Variants in IL34 observed in about 807,000 individuals in gnomAD.
The protein encoded by IL34 is interleukin 34.
A neutral mutation model predicts 25.3 loss-of-function variants in IL34; 17 were observed. That is an observed-to-expected ratio of 0.67 (90% CI 0.46 to 1.01). The LOEUF (loss-of-function observed/expected upper bound fraction) is 1.01. Among genes scored for constraint, IL34 ranks in the 50% least tolerant of loss-of-function variants. The probability of loss-of-function intolerance (pLI) is 0.00; values close to 1 mark genes in which losing one functional copy is unlikely to be tolerated. For missense variants in IL34, 368 were observed against 312.9 expected (o/e 1.18, Z -1.33); for synonymous variants, 174 against 140.9 (o/e 1.23, Z -1.66).
At chr16:70,611,114 G>C (rs1247138010) in intron 1 of IL34, among the ~76,000 whole-genome samples, 1 of 152,182 alleles carries the variant, frequency 6.6e-6, no homozygotes, top group Non-Finnish European at 1.5e-5. Context: ...GAGTAGCCGA[G>C]ACTACAGGTG....
Position 70,660,323 on chromosome 16 carries a change from A to G in IL34, c.*136A>G. 1 of 769,450 alleles carries G rather than the reference A, an allele frequency of 1.3e-6. No individual in the cohort carries two copies. Among genetic ancestry groups the G allele is most frequent in the Non-Finnish European group, 2.0e-6 (1 of 509,068 alleles). The allele number at this position is 769,450 out of a possible 1,614,324, so 47.7% of individuals were successfully genotyped here. On this transcript the variant is annotated 3_prime_UTR_variant, in exon 6 of 6. Coordinates refer to ENST00000288098, the MANE Select transcript of IL34 (RefSeq NM_001393494.1). ...CCCTGGGAAGGGTGTTTTTCCTTTG[A>G]GGGGGATTCTGTGCCACAGCAGGGC...
At position 70,630,099 on chromosome 16, in the gene IL34, T is replaced by C. The variant is rs369048254; in HGVS notation, c.-400-16449T>C. 4.7e-4 allele frequency among the ~76,000 whole-genome samples: 72 copies of C among 152,214 alleles called. 1 individual carries two copies. Among genetic ancestry groups the C allele is most frequent in the Non-Finnish European group, 1.5e-5 (1 of 68,040 alleles). On this transcript the variant is annotated intron_variant, in intron 1 of 6. Coordinates refer to the IL34 transcript ENST00000429149. ...TAGCACCCACATACAAGTGAAAATATGTAATGTTTATCTTTCTGTGCCTGG... is the reference window on the plus strand; with the variant it reads ...TAGCACCCACATACAAGTGAAAATACGTAATGTTTATCTTTCTGTGCCTGG...
chr16:70,654,183 A>C (rs893072561), intron 1 of IL34: 1 of 187,772 alleles, frequency 5.3e-6, no homozygotes, highest in Non-Finnish European at 1.1e-5. Context: ...CTTTGAAAAC[A>C]TATCACCCGG....
intron 1 of IL34, among the ~76,000 whole-genome samples, chr16:70,613,603 G>A (rs1013037715): frequency 2.6e-5 from 4 of 152,188 alleles, no homozygotes; most frequent in Non-Finnish European, 4.4e-5. Flanking sequence ...GCCAGGAGTG[G>A]TGGCTCACAC....
At chr16:70,588,664 C>G (rs2050720227) in intron 1 of IL34, among the ~76,000 whole-genome samples, 1 of 152,128 alleles carries the variant, frequency 6.6e-6, no homozygotes, top group Non-Finnish European at 1.5e-5. Flanking sequence ...TGTTCATCAA[C>G]AGATGAATGG....
At chr16:70,651,590 G>A (rs1329026700) in intron 1 of IL34, among the ~76,000 whole-genome samples, 1 of 152,076 alleles carries the variant, frequency 6.6e-6, no homozygotes, top group Non-Finnish European at 1.5e-5. Context: ...GAGCAGGGCA[G>A]GTTTGGAGAA....
intron 1 of IL34, among the ~76,000 whole-genome samples, chr16:70,624,714 G>A (rs189478107): frequency 9.9e-5 from 15 of 152,130 alleles, no homozygotes; most frequent in African/African-American, 3.6e-4. Context: ...GTGGGGAAGG[G>A]CTAGTCACTG....
chr16:70,603,925 A>G (rs1203556340), intron 1 of IL34, among the ~76,000 whole-genome samples: 1 of 152,138 alleles, frequency 6.6e-6, no homozygotes, highest in East Asian at 1.9e-4. Context: ...TGGACATACC[A>G]CAATTTTTTC....
intron 1 of IL34, among the ~76,000 whole-genome samples, chr16:70,599,300 C>CT (rs1414912073): frequency 7.3e-6 from 1 of 137,680 alleles, no homozygotes; most frequent in Admixed American, 8.3e-5. Context: ...TTTCTTCTTT[C>CT]TTTCCTTCTT....
In IL34 at chr16:70,657,131, G is replaced by A. The variant is rs762585609; in HGVS notation, c.402+10G>A. Reference sequence around the variant, plus strand: ...CCAGCAGGGCCTCACGGTGAGTTGTGTGGAGGAGTGGCAGGTGGGGTGTGT... The same window carrying A: ...CCAGCAGGGCCTCACGGTGAGTTGTATGGAGGAGTGGCAGGTGGGGTGTGT... On this transcript the variant is annotated intron_variant, in intron 4 of 5. Transcript: ENST00000288098. 2.1e-5 allele frequency: 34 copies of A among 1,611,540 alleles called. No individual in the cohort carries two copies. Among genetic ancestry groups the A allele is most frequent in the Non-Finnish European group, 2.8e-5 (33 of 1,179,186 alleles).
intron 1 of IL34, among the ~76,000 whole-genome samples, chr16:70,611,750 A>G (rs2051094405): frequency 6.6e-6 from 1 of 152,176 alleles, no homozygotes; most frequent in South Asian, 2.1e-4. Flanking sequence ...AGGCTGAGAC[A>G]GGAGAATCGC....
At chr16:70,616,589 C>T (rs1236687470) in intron 1 of IL34, among the ~76,000 whole-genome samples, 1 of 152,164 alleles carries the variant, frequency 6.6e-6, no homozygotes, top group Non-Finnish European at 1.5e-5. Flanking sequence ...AAAAGAGAGT[C>T]AGCAAAGCGT....
chr16:70,609,990 G>A (rs953308508), intron 1 of IL34, among the ~76,000 whole-genome samples: 34 of 152,156 alleles, frequency 2.2e-4, no homozygotes, highest in East Asian at 1.3e-3. Context: ...GATCACCTGA[G>A]GTCTGGAGTT....
chr16:70,657,289 T>G, intron 4 of IL34, 168 bp downstream of exon 4: 5 of 678,818 alleles, frequency 7.4e-6, no homozygotes, highest in Non-Finnish European at 9.6e-6. Flanking sequence ...AAAAGAGGCC[T>G]GTGGAAGGAA....
In IL34 at chr16:70,634,886, A is replaced by T. The variant is rs141387283; in HGVS notation, c.-400-11662A>T. ...TTTTGCTCAAAATAATGTTTTTGAG[A>T]TTCATCCATGTTGCTGCACAGATCA... On this transcript the variant is annotated intron_variant, in intron 1 of 6. Coordinates refer to the IL34 transcript ENST00000429149. Among the ~76,000 whole-genome samples, 68 of 141,192 alleles carry T rather than the reference A, an allele frequency of 4.8e-4. No homozygotes were observed. In the East Asian group the frequency reaches 0.012, roughly 25 times the overall value. 92.6% of individuals were successfully genotyped at this position (141,192 alleles called of 152,430 possible). A position where few individuals can be genotyped will look rare whatever the true frequency, so the allele number is the denominator to read the frequency against.
chr16:70,624,234 G>A lies in IL34; in HGVS notation c.-400-22314G>A, dbSNP rs930831596. Among the ~76,000 whole-genome samples, 148 of 151,778 alleles carry A rather than the reference G, an allele frequency of 9.8e-4. 1 individual carries two copies. In the Middle Eastern group the frequency reaches 0.01, roughly 10 times the overall value. ...TCCTTGGCCCAGTGGCCAGATTTCC[G>A]GCACGTGTAGCAAGCTCCTGGGGAA... On this transcript the variant is annotated intron_variant, in intron 1 of 6. Coordinates refer to the IL34 transcript ENST00000429149.
At chr16:70,655,358 T>A (rs915268640) in intron 2 of IL34, among the ~76,000 whole-genome samples, 3 of 151,038 alleles carry the variant, frequency 2.0e-5, no homozygotes, top group African/African-American at 4.9e-5. Flanking sequence ...GCCCTTTTTT[T>A]TTCTTTTTAA....
intron 1 of IL34, among the ~76,000 whole-genome samples, chr16:70,582,741 GC>G (rs1319071013): frequency 6.6e-6 from 1 of 152,246 alleles, no homozygotes; most frequent in African/African-American, 2.4e-5. Flanking sequence ...GGGTTGGCCA[GC>G]CCTGGTGCTG....
intron 1 of IL34, among the ~76,000 whole-genome samples, chr16:70,581,893 G>A (rs2050639163): frequency 6.6e-6 from 1 of 151,966 alleles, no homozygotes; most frequent in Non-Finnish European, 1.5e-5. Flanking sequence ...GACCAGCCTG[G>A]GAAACATGGT....
Sources: allele counts gnomAD v4.1 joint callset (sites outside exome capture counted in the v4.1 genomes callset), GRCh38; gene constraint gnomAD v4.1.1; transcripts MANE v1.5; gene names NCBI Gene and HGNC (gene_info 2026-07-23, HGNC 2026-07-21).